RABGAP1L: variants seen among roughly 807,000 people sequenced by gnomAD.
The protein encoded by RABGAP1L is RAB GTPase activating protein 1 like, also known as rab GTPase-activating protein 1-like.
RABGAP1L carries 63 observed loss-of-function variants against 137.7 expected under a neutral mutation model. That is an observed-to-expected ratio of 0.46 (90% CI 0.37 to 0.56). RABGAP1L has a LOEUF of 0.56. Among genes scored for constraint, RABGAP1L ranks in the 20% least tolerant of loss-of-function variants. RABGAP1L has a pLI of 0.00. For synonymous variants in RABGAP1L, 431 were observed against 433.7 expected, an observed-to-expected ratio of 0.99 and a Z score of 0.08; for missense variants, 1,095 against 1,244.0, an observed-to-expected ratio of 0.88 and a Z score of 1.80.
chr1:174,614,896 A>T (rs1382784656), intron 13 of RABGAP1L, among the ~76,000 whole-genome samples: 1 of 152,018 alleles, frequency 6.6e-6, no homozygotes, highest in African/African-American at 2.4e-5. Context: ...TGCATTCTTC[A>T]CGTAGTTCTC....
Position 174,370,345 on chromosome 1 carries a change from C to T in RABGAP1L, c.1466-634C>T, listed in dbSNP as rs183458570. ...GTTTAGTATTGGTCGTTTTCACCAC[C>T]GATTATAAACTGTAAATCAACCCAT... On this transcript the variant is annotated intron_variant, in intron 11 of 25. Coordinates refer to ENST00000681986, the MANE Select transcript of RABGAP1L (RefSeq NM_001366446.1). 1.4e-4 allele frequency among the ~76,000 whole-genome samples: 22 copies of T among 151,820 alleles called. No homozygotes were observed. The East Asian group carries it at 2.5e-3, about 17-fold the overall frequency.
chr1:174,931,034 G>A (rs1166736057), intron 19 of RABGAP1L, among the ~76,000 whole-genome samples: 4 of 152,022 alleles, frequency 2.6e-5, no homozygotes, highest in African/African-American at 9.7e-5. Context: ...ATTTTAGCCA[G>A]AAACATTTAA....
chr1:174,700,829 G>T, intron 16 of RABGAP1L: 1 of 207,708 alleles, frequency 4.8e-6, no homozygotes, highest in Non-Finnish European at 9.9e-6. Flanking sequence ...CTCGCTTTTT[G>T]CCTTTTATTT....
At chr1:174,403,685 A>G (rs1433044673) in intron 13 of RABGAP1L, among the ~76,000 whole-genome samples, 1 of 152,082 alleles carries the variant, frequency 6.6e-6, no homozygotes, top group African/African-American at 2.4e-5. Context: ...GCATGTTTCT[A>G]ATTTAATACA....
At chr1:174,547,047 A>AG (rs1666074961) in intron 13 of RABGAP1L, among the ~76,000 whole-genome samples, 1 of 139,864 alleles carries the variant, frequency 7.1e-6, no homozygotes, top group Admixed American at 7.4e-5. Context: ...AAAAAAAAAA[A>AG]AAAAAAAAAG....
At chr1:174,968,659 A>T (rs1669866720) in intron 20 of RABGAP1L, among the ~76,000 whole-genome samples, 1 of 152,158 alleles carries the variant, frequency 6.6e-6, no homozygotes, top group Non-Finnish European at 1.5e-5. Context: ...TTAAAAAACA[A>T]AAAAACTAGA....
chr1:174,979,143 C>T (rs1376826860), intron 23 of RABGAP1L, among the ~76,000 whole-genome samples: 3 of 152,038 alleles, frequency 2.0e-5, no homozygotes, highest in Non-Finnish European at 4.4e-5. Context: ...TATGATTGCA[C>T]CACTGTACTC....
At chr1:174,623,391 A>G (rs1301623676) in intron 13 of RABGAP1L, among the ~76,000 whole-genome samples, 1 of 152,156 alleles carries the variant, frequency 6.6e-6, no homozygotes, top group Admixed American at 6.6e-5. Flanking sequence ...GGAGTTACCA[A>G]AACCACCCTT....
At chr1:174,766,743 C>A (rs1685699879) in intron 18 of RABGAP1L, among the ~76,000 whole-genome samples, 1 of 152,208 alleles carries the variant, frequency 6.6e-6, no homozygotes, top group Admixed American at 6.5e-5. Flanking sequence ...TCTTTTACCT[C>A]AGTCCCTTGA....
intron 20 of RABGAP1L, among the ~76,000 whole-genome samples, chr1:174,958,716 T>C (rs1668833351): frequency 6.6e-6 from 1 of 151,992 alleles, no homozygotes; most frequent in Non-Finnish European, 1.5e-5. Context: ...ATGGTGGGAG[T>C]ATGTAGGTTT....
At chr1:174,596,326 G>C (rs944028015) in intron 13 of RABGAP1L, among the ~76,000 whole-genome samples, 2 of 151,994 alleles carry the variant, frequency 1.3e-5, no homozygotes, top group Admixed American at 6.6e-5. Context: ...CGTGGCTCAC[G>C]CTGGGAGCTG....
intron 7 of RABGAP1L, among the ~76,000 whole-genome samples, chr1:174,264,048 A>G (rs1673826409): frequency 6.6e-6 from 1 of 151,948 alleles, no homozygotes; most frequent in South Asian, 2.1e-4. Context: ...GGGAAGAGGG[A>G]GGAAGACTTA....
rs544093768 is a variant in RABGAP1L at position 174,506,608 on chromosome 1, C to T, written c.1710+112463C>T. 2.0e-5 allele frequency among the ~76,000 whole-genome samples: 3 copies of T among 152,048 alleles called. No individual in the cohort carries two copies. The East Asian group carries it at 5.8e-4, about 29-fold the overall frequency. On this transcript the variant is annotated intron_variant, in intron 13 of 25. Transcript: ENST00000681986. ...AGCAAGGAAGTGAAAGATCTCTATA[C>T]AACAAAAAAATGATAAGTATATTAG...
intron 20 of RABGAP1L, among the ~76,000 whole-genome samples, chr1:174,963,321 A>C (rs1669331366): frequency 6.6e-6 from 1 of 152,086 alleles, no homozygotes; most frequent in Non-Finnish European, 1.5e-5. Context: ...TAATCCAGAG[A>C]GTTCATTGTT....
chr1:174,678,243 C>G (rs1677784041), intron 14 of RABGAP1L, among the ~76,000 whole-genome samples: 1 of 151,912 alleles, frequency 6.6e-6, no homozygotes. Context: ...AAATTTAATT[C>G]ATAATAAAAA....
At chr1:174,752,292 C>T (rs777304138) in intron 17 of RABGAP1L, 21 bp from the exon 18 acceptor site, 1 of 1,554,682 alleles carries the variant, frequency 6.4e-7, no homozygotes, top group South Asian at 1.2e-5. Flanking sequence ...TACTAATCTT[C>T]ACTTTCTTTT....
At chr1:174,387,308 A>T (rs1188808158) in intron 12 of RABGAP1L, among the ~76,000 whole-genome samples, 3 of 152,174 alleles carry the variant, frequency 2.0e-5, no homozygotes, top group African/African-American at 7.2e-5. Context: ...TGATTTAAAG[A>T]TGAGTAAGGA....
At position 174,616,522 on chromosome 1, in the gene RABGAP1L, G is replaced by A. The variant is rs144031499; in HGVS notation, c.1711-20853G>A. Among the ~76,000 whole-genome samples the A allele has an allele frequency of 8.9e-3, 1,348 of 152,244 alleles. 26 individuals carry two copies. Among genetic ancestry groups the A allele is most frequent in the African/African-American group, 0.031 (1,301 of 41,544 alleles). On this transcript the variant is annotated intron_variant, in intron 13 of 25. Coordinates refer to ENST00000681986, the MANE Select transcript of RABGAP1L (RefSeq NM_001366446.1). ...AAGTAAATAAGAATTGGTCATGGTC[G>A]ACCTAGAGGTGGCAATCAAATGGGG...
At chr1:174,958,667 G>C (rs994543877) in intron 20 of RABGAP1L, among the ~76,000 whole-genome samples, 1 of 152,170 alleles carries the variant, frequency 6.6e-6, no homozygotes, top group African/African-American at 2.4e-5. Flanking sequence ...TCTTATCTCT[G>C]TTGCTGAATT....
Sources: allele counts gnomAD v4.1 joint callset (sites outside exome capture counted in the v4.1 genomes callset), GRCh38; gene constraint gnomAD v4.1.1; transcripts MANE v1.5; gene names NCBI Gene and HGNC (gene_info 2026-07-23, HGNC 2026-07-21).